RSF1: variants seen among roughly 807,000 people sequenced by gnomAD.
RSF1 encodes remodeling and spacing factor 1.
In RSF1, 13 loss-of-function variants were observed where a neutral mutation model predicts 145.2. The observed-to-expected ratio is 0.09, with a 90% CI of 0.06 to 0.14. The LOEUF is 0.14. Among genes scored for constraint, RSF1 ranks in the 10% least tolerant of loss-of-function variants. RSF1 has a pLI of 1.00. For missense variants in RSF1, 1,517 were observed against 1,718.2 expected (o/e 0.88, Z 2.07); for synonymous variants, 577 against 592.6 (o/e 0.97, Z 0.38).
chr11:77,698,510 C>A lies in RSF1; in HGVS notation c.2692G>T (p.Gly898Cys). The A allele has an allele frequency of 6.2e-7, 1 of 1,614,048 alleles. No homozygotes were observed. Among genetic ancestry groups the A allele is most frequent in the Admixed American group, 1.7e-5 (1 of 60,002 alleles). The change falls in exon 7 of 16, where the codon GGC becomes TGC. Residue 898 changes from glycine (G) to cysteine (C), a missense_variant. Transcript: ENST00000308488. Reference sequence around the variant, plus strand: ...ACTAGCTCAGGATGGTTTGGAAGGCCACATTTTTTGCATGGTTCATCATCA... The same window carrying A: ...ACTAGCTCAGGATGGTTTGGAAGGCAACATTTTTTGCATGGTTCATCATCA... Reference protein sequence around the residue: ...ADDDEPCKKCGLPNHPELILL... With the variant: ...ADDDEPCKKCCLPNHPELILL...
At chr11:77,808,348 AAC>A (rs1175321584) in intron 1 of RSF1, among the ~76,000 whole-genome samples, 256 of 12,384 alleles carry the variant, frequency 0.021, 1 homozygote, top group African/African-American at 0.073. Context: ...CAAACAAACA[AAC>A]AAAAACACAA....
intron 1 of RSF1, among the ~76,000 whole-genome samples, chr11:77,815,432 C>T (rs1948772439): frequency 6.6e-6 from 1 of 152,194 alleles, no homozygotes; most frequent in South Asian, 2.1e-4. Flanking sequence ...CTATACCCAT[C>T]AGGTAGAGTA....
chr11:77,771,540 T>C (rs1241130274), intron 1 of RSF1, among the ~76,000 whole-genome samples: 1 of 152,186 alleles, frequency 6.6e-6, no homozygotes, highest in Non-Finnish European at 1.5e-5. Context: ...GATTTTATTC[T>C]AAGGGTAATG....
chr11:77,757,144 A>G (rs1486114401), intron 2 of RSF1, among the ~76,000 whole-genome samples: 6 of 152,176 alleles, frequency 3.9e-5, no homozygotes, highest in Non-Finnish European at 8.8e-5. Flanking sequence ...GAAAGAAAAA[A>G]ACTATGTTTT....
chr11:77,783,298 T>A (rs1948422506), intron 1 of RSF1, among the ~76,000 whole-genome samples: 1 of 152,258 alleles, frequency 6.6e-6, no homozygotes, highest in African/African-American at 2.4e-5. Context: ...GCTAATTACC[T>A]TTTAAAAAGA....
chr11:77,671,942 T>C lies in RSF1; in HGVS notation c.3751+100A>G, dbSNP rs1959564083. The stretch of plus-strand genomic sequence containing the variant: ...AGCCACCATGCCTGGCCTGGTTATA[T>C]GAGTTTCAAAGAATGGTACAGAATC... On this transcript the variant is annotated intron_variant, in intron 15 of 15. Transcript: ENST00000308488. 9 of 1,137,036 alleles carry C rather than the reference T, an allele frequency of 7.9e-6. No individual in the cohort carries two copies. The South Asian group carries it at 1.3e-4, about 16-fold the overall frequency. 70.4% of individuals were successfully genotyped at this position (1,137,036 alleles called of 1,614,324 possible).
intron 1 of RSF1, among the ~76,000 whole-genome samples, chr11:77,776,654 T>C (rs1948345404): frequency 6.6e-6 from 1 of 152,224 alleles, no homozygotes. Flanking sequence ...ATGGTGATCA[T>C]GTCTTACTTA....
chr11:77,675,348 G>T, intron 13 of RSF1, 92 bp from the exon 14 acceptor site: 1 of 904,738 alleles, frequency 1.1e-6, no homozygotes, highest in Non-Finnish European at 1.7e-6. Flanking sequence ...TGAGCCCAGT[G>T]AATCATTAAG....
At chr11:77,858,325 TTTG>T in the RSF1 span, among the ~76,000 whole-genome samples, 1 of 146,120 alleles carries the variant, frequency 6.8e-6, no homozygotes, top group African/African-American at 2.5e-5. Context: ...TTTTTTTTTT[TTTG>T]TAGTTGCAAG....
chr11:77,858,814 A>G, the RSF1 span, among the ~76,000 whole-genome samples: 1 of 152,334 alleles, frequency 6.6e-6, no homozygotes, highest in Non-Finnish European at 1.5e-5. Context: ...GGTAGGTCTT[A>G]GTCATGGACT....
the RSF1 span, among the ~76,000 whole-genome samples, chr11:77,848,295 G>A: frequency 1.3e-5 from 2 of 152,116 alleles, no homozygotes; most frequent in African/African-American, 4.8e-5. Flanking sequence ...CTTCAGAAAT[G>A]GCTTTAGTGC....
At chr11:77,777,816 C>G (rs1241820546) in intron 1 of RSF1, among the ~76,000 whole-genome samples, 1 of 151,652 alleles carries the variant, frequency 6.6e-6, no homozygotes, top group Admixed American at 6.6e-5. Context: ...AAGACCCTGT[C>G]TCAAACAAAC....
chr11:77,854,271 C>T, the RSF1 span, among the ~76,000 whole-genome samples: 5 of 152,072 alleles, frequency 3.3e-5, no homozygotes, highest in African/African-American at 7.2e-5. Context: ...GGATTACAGG[C>T]GTGAGCCACC....
chr11:77,691,348 A>T, intron 8 of RSF1, 110 bp from the exon 9 acceptor site: 1 of 802,274 alleles, frequency 1.2e-6, no homozygotes, highest in South Asian at 1.6e-5. Flanking sequence ...AAGGGACCAC[A>T]TAGTAAGTGA....
At chr11:77,800,671 T>C (rs188912391) in intron 1 of RSF1, among the ~76,000 whole-genome samples, 5 of 152,240 alleles carry the variant, frequency 3.3e-5, no homozygotes, top group African/African-American at 1.2e-4. Context: ...GAGACCAGCC[T>C]GGGCAACACA....
At chr11:77,835,782 G>A in the RSF1 span, among the ~76,000 whole-genome samples, 32 of 152,032 alleles carry the variant, frequency 2.1e-4, no homozygotes, top group Non-Finnish European at 4.4e-4. Context: ...TTAACCAGGC[G>A]TGGTGGCATG....
chr11:77,826,235 G>A, the RSF1 span, among the ~76,000 whole-genome samples: 118 of 152,138 alleles, frequency 7.8e-4, no homozygotes, highest in Middle Eastern at 6.8e-3. Flanking sequence ...GGTGGTGCAT[G>A]CCTGTAGTCC....
chr11:77,832,951 ATGTGTGTGTGTG>A, the RSF1 span, among the ~76,000 whole-genome samples: 9,652 of 68,092 alleles, frequency 0.14, 1,344 homozygotes, highest in East Asian at 0.38. Context: ...GTATATATAT[ATGTGTGTGTGTG>A]TGTGTGTGTG....
chr11:77,815,686 G>A (rs140323577), intron 1 of RSF1, among the ~76,000 whole-genome samples: 1 of 152,182 alleles, frequency 6.6e-6, no homozygotes, highest in African/African-American at 2.4e-5. Flanking sequence ...TTCAAGCTCA[G>A]TTTAGCTATT....
Sources: gnomAD v4.1 joint callset for allele counts (sites outside exome capture counted in the v4.1 genomes callset) on GRCh38, gnomAD v4.1.1 for gene constraint, MANE v1.5 for transcripts, NCBI Gene and HGNC (gene_info 2026-07-23, HGNC 2026-07-21) for gene names.